The following STK32B variants were observed in gnomAD, a reference collection of about 807,000 sequenced individuals.
STK32B encodes the protein serine/threonine-protein kinase 32B.
Under a neutral mutation model 52.6 loss-of-function variants are expected in STK32B, and 43 were observed. The observed-to-expected ratio is 0.82, with a 90% CI of 0.64 to 1.05. The LOEUF is 1.05. Among genes scored for constraint, STK32B ranks in the 50% least tolerant of loss-of-function variants. STK32B has a pLI of 0.00. For missense variants in STK32B, 621 were observed against 534.6 expected, an observed-to-expected ratio of 1.16 and a Z score of -1.59; for synonymous variants, 238 against 204.3, an observed-to-expected ratio of 1.17 and a Z score of -1.41.
intron 2 of STK32B, among the ~76,000 whole-genome samples, chr4:5,151,447 G>C (rs1488536910): frequency 6.6e-6 from 1 of 152,194 alleles, no homozygotes; most frequent in African/African-American, 2.4e-5. Flanking sequence ...TTTCCAGAAA[G>C]ACATTTCATT....
chr4:5,421,883 G>T (rs1217991687), intron 6 of STK32B, among the ~76,000 whole-genome samples: 1 of 152,170 alleles, frequency 6.6e-6, no homozygotes, highest in Non-Finnish European at 1.5e-5. Flanking sequence ...TAATTAACCT[G>T]CCCAGGGCCA....
At chr4:5,178,432 C>T (rs770159135) in intron 3 of STK32B, among the ~76,000 whole-genome samples, 22 of 152,220 alleles carry the variant, frequency 1.4e-4, no homozygotes, top group Non-Finnish European at 3.1e-4. Context: ...GGAGGGGCTG[C>T]TGTGAAGGTC....
At chr4:5,343,391 A>G (rs1323177523) in intron 4 of STK32B, among the ~76,000 whole-genome samples, 1 of 152,148 alleles carries the variant, frequency 6.6e-6, no homozygotes, top group Non-Finnish European at 1.5e-5. Context: ...TGCTATTGTG[A>G]ATAGTGCCGC....
intron 11 of STK32B, among the ~76,000 whole-genome samples, chr4:5,496,861 T>G (rs970993304): frequency 6.6e-6 from 1 of 152,100 alleles, no homozygotes; most frequent in Non-Finnish European, 1.5e-5. Context: ...TTCTGCTGGT[T>G]TGCAAGTGTT....
At chr4:5,403,437 A>G (rs1001229786) in intron 5 of STK32B, among the ~76,000 whole-genome samples, 1 of 151,852 alleles carries the variant, frequency 6.6e-6, no homozygotes, top group African/African-American at 2.4e-5. Context: ...CCCACTCCCC[A>G]TCCTCCTGAG....
At chr4:5,043,453 C>T in the STK32B span, among the ~76,000 whole-genome samples, 1 of 152,218 alleles carries the variant, frequency 6.6e-6, no homozygotes, top group Admixed American at 6.5e-5. Flanking sequence ...ATAAATCTAG[C>T]TATATGTCTC....
chr4:5,492,738 G>C (rs185666102), intron 11 of STK32B, among the ~76,000 whole-genome samples: 2 of 151,456 alleles, frequency 1.3e-5, no homozygotes, highest in East Asian at 3.9e-4. Flanking sequence ...TTACTATTTT[G>C]AGATACGTCC....
At chr4:5,212,317 G>A (rs1041019251) in intron 3 of STK32B, among the ~76,000 whole-genome samples, 1 of 152,106 alleles carries the variant, frequency 6.6e-6, no homozygotes, top group Non-Finnish European at 1.5e-5. Flanking sequence ...ATTCAGACCC[G>A]AGCAGTCAAG....
At chr4:5,043,636 G>T in the STK32B span, among the ~76,000 whole-genome samples, 1 of 152,200 alleles carries the variant, frequency 6.6e-6, no homozygotes, top group African/African-American at 2.4e-5. Context: ...CCAGACCATG[G>T]CTACTTCCAT....
intron 7 of STK32B, 85 bp from the exon 8 acceptor site, chr4:5,456,722 C>A (rs774278721): frequency 2.1e-5 from 25 of 1,176,844 alleles, no homozygotes; most frequent in Non-Finnish European, 3.0e-5. Flanking sequence ...AATAAACCAT[C>A]CCTCATAATC....
At chr4:5,222,679 T>A (rs909883074) in intron 3 of STK32B, among the ~76,000 whole-genome samples, 3 of 152,194 alleles carry the variant, frequency 2.0e-5, no homozygotes, top group African/African-American at 7.2e-5. Context: ...CATCAAAGTG[T>A]TCAGAGTGCT....
chr4:5,160,863 A>G (rs1315381825), intron 2 of STK32B, among the ~76,000 whole-genome samples: 1 of 152,152 alleles, frequency 6.6e-6, no homozygotes, highest in Non-Finnish European at 1.5e-5. Context: ...CCCTTCACAC[A>G]GGGAGGTCAG....
chr4:5,322,478 G>A (rs974484806), intron 3 of STK32B, among the ~76,000 whole-genome samples: 3 of 152,180 alleles, frequency 2.0e-5, no homozygotes, highest in African/African-American at 7.2e-5. Context: ...TTGCCACACA[G>A]TAAAAACACA....
chr4:5,130,440 A>G (rs776234413), intron 1 of STK32B, among the ~76,000 whole-genome samples: 2 of 152,072 alleles, frequency 1.3e-5, no homozygotes, highest in Non-Finnish European at 2.9e-5. Context: ...CTACTGAAGA[A>G]TCCAAACCGG....
At chr4:5,164,907 A>G (rs945433498) in intron 2 of STK32B, among the ~76,000 whole-genome samples, 3 of 152,102 alleles carry the variant, frequency 2.0e-5, no homozygotes, top group Admixed American at 6.5e-5. Context: ...TTTAGCCTCT[A>G]TCTCCTGGTC....
chr4:5,059,509 C>A (rs1178335534), intron 1 of STK32B, among the ~76,000 whole-genome samples: 1 of 152,110 alleles, frequency 6.6e-6, no homozygotes, highest in Non-Finnish European at 1.5e-5. Flanking sequence ...AAGAATTATA[C>A]TGATTGATTT....
chr4:5,285,387 C>T (rs903778824), intron 3 of STK32B, among the ~76,000 whole-genome samples: 2 of 151,950 alleles, frequency 1.3e-5, no homozygotes, highest in Non-Finnish European at 2.9e-5. Context: ...CTAAAGAATA[C>T]CCAAAATCTC....
intron 3 of STK32B, among the ~76,000 whole-genome samples, chr4:5,322,738 A>C (rs10031235): frequency 0.21 from 31,440 of 152,062 alleles, 3,979 homozygotes; most frequent in African/African-American, 0.35. Flanking sequence ...TGTGGATGCT[A>C]CACTGTTTGC....
chr4:5,384,572 A>AG (rs1205092604), intron 4 of STK32B, among the ~76,000 whole-genome samples: 6 of 152,122 alleles, frequency 3.9e-5, no homozygotes, highest in Non-Finnish European at 7.4e-5. Flanking sequence ...TTCTGCAGCC[A>AG]CGTTCAGCTG....
Sources: gnomAD v4.1 joint callset for allele counts (sites outside exome capture counted in the v4.1 genomes callset) on GRCh38, gnomAD v4.1.1 for gene constraint, MANE v1.5 for transcripts, NCBI Gene and HGNC (gene_info 2026-07-23, HGNC 2026-07-21) for gene names.